Variants in DNAH17 observed in about 807,000 individuals in gnomAD.
DNAH17 encodes the protein axonemal beta dynein heavy chain 17.
DNAH17 carries 376 observed loss-of-function variants against 485.6 expected under a neutral mutation model. The ratio of observed to expected loss-of-function variants is 0.77; its 90% CI spans 0.71 to 0.84. The LOEUF is 0.84. Ranked by LOEUF, DNAH17 falls within the 40% of genes least tolerant of loss-of-function variation. The pLI is 0.00. For synonymous variants in DNAH17, 3,031 were observed against 2,405.9 expected (o/e 1.26, Z -7.60); for missense variants, 6,370 against 5,839.3 (o/e 1.09, Z -2.96).
chr17:78,569,799 C>T (rs2092324060), intron 7 of DNAH17, among the ~76,000 whole-genome samples: 1 of 152,194 alleles, frequency 6.6e-6, no homozygotes, highest in African/African-American at 2.4e-5. Flanking sequence ...CCCTTCTGGT[C>T]CTGCAGACGG....
chr17:78,519,125 G>A (rs927821859), intron 25 of DNAH17, among the ~76,000 whole-genome samples: 2 of 130,660 alleles, frequency 1.5e-5, no homozygotes, highest in Non-Finnish European at 3.1e-5. Flanking sequence ...CCAAGATAGC[G>A]CCACTGCAGT....
chr17:78,447,184 C>A (rs2087345240), intron 69 of DNAH17, among the ~76,000 whole-genome samples: 1 of 152,194 alleles, frequency 6.6e-6, no homozygotes, highest in Non-Finnish European at 1.5e-5. Context: ...GCTTTGACCT[C>A]CCAAAGTGTT....
At chr17:78,447,959 A>G (rs1598464510) in intron 69 of DNAH17, among the ~76,000 whole-genome samples, 2 of 152,032 alleles carry the variant, frequency 1.3e-5, no homozygotes, top group African/African-American at 2.4e-5. Flanking sequence ...ATCACCTAAG[A>G]TCGGGAGTTC....
chr17:78,480,087 A>C, intron 49 of DNAH17, among the ~76,000 whole-genome samples: 1 of 124,924 alleles, frequency 8.0e-6, no homozygotes, highest in Admixed American at 1.1e-4. Context: ...GGTGACTCCC[A>C]CCTGTAATCC....
rs2092409687 is a variant in DNAH17, at chr17:78,574,734, C to G, written c.324G>C (p.Gln108His). ...TCACCTCCTCCACCACCGCGATCAG[C>G]TGGTCCACGGGTGTGGGGCTGATGT... ...YGDISPTPVD[Q>H]LIAVVEEVLS... Residue 108 changes from glutamine (Q) to histidine (H), a missense_variant, in exon 2 of 81, where the codon CAG (glutamine) becomes CAC (histidine). By Grantham distance (24) the Gln-to-His change is conservative. Transcript: ENST00000389840. 6.2e-7 allele frequency: 1 copy of G among 1,607,874 alleles called. No homozygotes were observed. Among genetic ancestry groups the G allele is most frequent in the South Asian group, 1.1e-5 (1 of 90,608 alleles).
intron 5 of DNAH17, 67 bp from the exon 6 acceptor site, chr17:78,571,100 C>G: frequency 1.4e-6 from 2 of 1,434,610 alleles, no homozygotes; most frequent in Middle Eastern, 1.7e-4. Flanking sequence ...GATGAGGGTG[C>G]GGCTCCATGT....
chr17:78,465,604 C>T (rs886856212), intron 56 of DNAH17, among the ~76,000 whole-genome samples: 3 of 143,362 alleles, frequency 2.1e-5, no homozygotes, highest in East Asian at 2.1e-4. Context: ...ATGTGAGGAG[C>T]GCCTCTGCCC....
In DNAH17 at chr17:78,484,861, G is replaced by A. The variant is rs766179179; in HGVS notation, c.7649+7C>T. 25 of 1,535,616 alleles carry A rather than the reference G, an allele frequency of 1.6e-5. No individual in the cohort carries two copies. Among genetic ancestry groups the A allele is most frequent in the South Asian group, 3.6e-5 (3 of 83,266 alleles). On this transcript the variant is annotated splice_region_variant and intron_variant, in intron 48 of 80. Coordinates refer to ENST00000389840, the MANE Select transcript of DNAH17 (RefSeq NM_173628.4). ...ACGCCTTCCCCTCCGGCCCCGCCCC[G>A]TCTAACCAGTGCCGGTGGTCCATGT... is the stretch of plus-strand genomic sequence containing the variant.
chr17:78,433,338 G>A (rs1435538157), intron 75 of DNAH17, among the ~76,000 whole-genome samples: 1 of 152,152 alleles, frequency 6.6e-6, no homozygotes, highest in East Asian at 1.9e-4. Flanking sequence ...CTTACAGAGG[G>A]CCCCCTCCAG....
At chr17:78,529,929 G>C (rs915238647) in intron 21 of DNAH17, among the ~76,000 whole-genome samples, 1 of 152,200 alleles carries the variant, frequency 6.6e-6, no homozygotes, top group African/African-American at 2.4e-5. Context: ...CAAGTCCCAA[G>C]CTACGGCCAC....
chr17:78,444,644 C>T lies in DNAH17; in HGVS notation c.11488G>A (p.Val3830Met). The change falls in exon 71 of 81, where the codon GTG (valine) becomes ATG (methionine). Residue 3830 changes from valine to methionine, a missense_variant. Transcript: ENST00000389840. ...ATGCGATCTGGCCGCAGGCAGCGCACCATGCACAGCTTCTGCAGGGCCGTC... is the reference window on the plus strand; with the variant it reads ...ATGCGATCTGGCCGCAGGCAGCGCATCATGCACAGCTTCTGCAGGGCCGTC... ...NKTALQKLCM[V>M]RCLRPDRMTY... 1 of 1,601,768 alleles carries T rather than the reference C, an allele frequency of 6.2e-7. No homozygotes were observed. The highest frequency in any genetic ancestry group is 1.1e-5 in the South Asian group (1 of 88,756).
At chr17:78,576,275 C>A (rs948698868) in intron 1 of DNAH17, among the ~76,000 whole-genome samples, 1 of 152,134 alleles carries the variant, frequency 6.6e-6, no homozygotes, top group Non-Finnish European at 1.5e-5. Flanking sequence ...CACTATATAT[C>A]GGCAAAACAA....
chr17:78,570,501 G>T, intron 6 of DNAH17, 129 bp from the exon 7 acceptor site: 10 of 1,216,364 alleles, frequency 8.2e-6, no homozygotes, highest in Non-Finnish European at 1.1e-5. Flanking sequence ...GGAGGGGAGA[G>T]GCAACTCCCT....
At chr17:78,464,774 C>G (rs967671727) in intron 56 of DNAH17, among the ~76,000 whole-genome samples, 5 of 152,200 alleles carry the variant, frequency 3.3e-5, no homozygotes, top group African/African-American at 1.2e-4. Flanking sequence ...GGCCCTGGAG[C>G]CTTGGCTGCG....
chr17:78,531,281 G>A (rs1044439943), intron 20 of DNAH17, among the ~76,000 whole-genome samples: 3 of 150,152 alleles, frequency 2.0e-5, no homozygotes, highest in African/African-American at 4.9e-5. Flanking sequence ...TGATCCTTTT[G>A]TCATTACATA....
chr17:78,532,366 C>T, intron 20 of DNAH17, 116 bp downstream of exon 20: 1 of 1,390,506 alleles, frequency 7.2e-7, no homozygotes, highest in Non-Finnish European at 9.5e-7. Context: ...GTTTGCCTTG[C>T]CCTACCTGGA....
At chr17:78,572,671 C>T (rs755334988) in intron 3 of DNAH17, 30 bp downstream of exon 3, 44 of 1,556,414 alleles carry the variant, frequency 2.8e-5, no homozygotes, top group African/African-American at 1.4e-4. Flanking sequence ...CCCCACCCAG[C>T]GGCAGCCGGA....
chr17:78,498,755 T>C lies in DNAH17; in HGVS notation c.5745+253A>G, dbSNP rs2090167049. 3 of 326,836 alleles carry C rather than the reference T, an allele frequency of 9.2e-6. No individual in the cohort carries two copies. The Admixed American group carries it at 1.5e-4, about 16-fold the overall frequency. 20.2% of individuals were successfully genotyped at this position (326,836 alleles called of 1,614,324 possible). On this transcript the variant is annotated intron_variant, in intron 37 of 80. Transcript: ENST00000389840. ...GTCTTTCTTTCCTAAGCAAAATTAA[T>C]TATTCTCCCACCTGTATTTTGTTAC...
chr17:78,501,584 G>A, intron 34 of DNAH17, 158 bp downstream of exon 34: 2 of 1,127,050 alleles, frequency 1.8e-6, no homozygotes, highest in East Asian at 2.5e-5. Flanking sequence ...CTCACCAGGG[G>A]TGAGTCCGGG....
Sources: gnomAD v4.1 joint callset for allele counts (sites outside exome capture counted in the v4.1 genomes callset) on GRCh38, gnomAD v4.1.1 for gene constraint, MANE v1.5 for transcripts, NCBI Gene and HGNC (gene_info 2026-07-23, HGNC 2026-07-21) for gene names.